Variants in MCF2L observed in about 807,000 individuals in gnomAD.
The protein encoded by MCF2L is guanine nucleotide exchange factor DBS.
Under a neutral mutation model 153.4 loss-of-function variants are expected in MCF2L, and 97 were observed. The ratio of observed to expected loss-of-function variants is 0.63; its 90% CI spans 0.54 to 0.75. The LOEUF is 0.75. Among genes scored for constraint, MCF2L ranks in the 30% least tolerant of loss-of-function variants. The pLI, the probability that MCF2L is intolerant of heterozygous loss-of-function variation, is 0.00. For synonymous variants in MCF2L, 659 were observed against 632.2 expected, an observed-to-expected ratio of 1.04 and a Z score of -0.64; for missense variants, 1,347 against 1,495.2, an observed-to-expected ratio of 0.90 and a Z score of 1.64.
upstream of MCF2L, among the ~76,000 whole-genome samples, chr13:112,968,981 G>A (rs1326444809): frequency 6.6e-6 from 1 of 151,872 alleles, no homozygotes; most frequent in Non-Finnish European, 1.5e-5. Context: ...ACACTTCCAG[G>A]TGACCGCGGC....
intron 1 of MCF2L, among the ~76,000 whole-genome samples, chr13:112,995,426 T>C (rs2083085301): frequency 6.6e-6 from 1 of 152,228 alleles, no homozygotes; most frequent in South Asian, 2.1e-4. Context: ...CAGTATACAG[T>C]TGTGCTTAGT....
intron 1 of MCF2L, among the ~76,000 whole-genome samples, chr13:112,895,582 G>A (rs916277025): frequency 1.3e-5 from 2 of 152,116 alleles, no homozygotes; most frequent in African/African-American, 2.4e-5. Flanking sequence ...TCGTGAGAAC[G>A]GAGTGCACAC....
chr13:113,059,357 G>C (rs6577026), intron 4 of MCF2L, among the ~76,000 whole-genome samples: 13 of 152,116 alleles, frequency 8.5e-5, no homozygotes, highest in Admixed American at 2.6e-4. Context: ...TTGGAGTGTG[G>C]CTGGGGCAGT....
intron 2 of MCF2L, among the ~76,000 whole-genome samples, chr13:112,911,458 C>T (rs1202416790): frequency 1.3e-5 from 2 of 152,236 alleles, no homozygotes; most frequent in African/African-American, 2.4e-5. Flanking sequence ...TCTCTCCCAG[C>T]GTGGCCGCCA....
At chr13:112,902,330 G>C in exon 2 of MCF2L, 1 of 1,612,908 alleles carries the variant, frequency 6.2e-7, no homozygotes. Context: ...GACGTCATCA[G>C]GCTTGTTCAA....
chr13:112,979,119 G>A (rs571994625), intron 1 of MCF2L, among the ~76,000 whole-genome samples: 1 of 152,352 alleles, frequency 6.6e-6, no homozygotes, highest in Admixed American at 6.5e-5. Context: ...GGCAGCAGAC[G>A]GGAGCCACAG....
rs2086856211 is a variant in MCF2L, at chr13:113,046,955, TCACAGTTCTGCAGGCTG to T, written c.369+1600_369+1616del. ...TGATAAAGAAAGAGGCGTAATTGGC[TCACAGTTCTGCAGGCTG>T]CACAGGCTTAGCACCTGCATCTTCT... On this transcript the variant is annotated intron_variant, in intron 4 of 29. Transcript: ENST00000535094. The surrounding 1 kb of genome is among the most constrained non-coding windows in gnomAD (Gnocchi z 4.4). 4.6e-6 allele frequency: 1 copy of T among 216,848 alleles called. No individual in the cohort carries two copies. The allele number at this position is 216,848 out of a possible 1,614,324, so 13.4% of individuals were successfully genotyped here.
In MCF2L at chr13:112,902,298, G is replaced by A. The variant is rs377481129; in HGVS notation, c.96G>A (p.Thr32=). The change falls in exon 2 of 30, where the codon ACG becomes ACA. Residue 32 remains threonine, a synonymous_variant. Coordinates refer to the MCF2L transcript ENST00000375608. ...CCAATGAGGCCAAAAAGGAGGAAAC[G>A]GATCACCAAATTGATGTGTCTGACG... 4.0e-5 allele frequency: 64 copies of A among 1,612,870 alleles called. No individual in the cohort carries two copies. In the African/African-American group the frequency reaches 7.2e-4, roughly 18 times the overall value.
intron 4 of MCF2L, among the ~76,000 whole-genome samples, chr13:113,049,723 G>A (rs1465436642): frequency 6.6e-6 from 1 of 151,934 alleles, no homozygotes; most frequent in Non-Finnish European, 1.5e-5. Context: ...GCAAGCCCGT[G>A]GCAGAGACTT....
intron 2 of MCF2L, among the ~76,000 whole-genome samples, chr13:113,019,657 G>A (rs1351278105): frequency 6.6e-6 from 1 of 152,194 alleles, no homozygotes; most frequent in African/African-American, 2.4e-5. Flanking sequence ...GTTGCTATAG[G>A]ATAAATGTTT....
chr13:112,917,521 G>C (rs1055477062), intron 2 of MCF2L: 7 of 292,994 alleles, frequency 2.4e-5, no homozygotes, highest in Middle Eastern at 1.2e-3. Context: ...GTGACCTCTC[G>C]AAGGTGAGTG....
At chr13:113,077,739 G>A (rs554413300) in intron 13 of MCF2L, among the ~76,000 whole-genome samples, 8 of 152,292 alleles carry the variant, frequency 5.3e-5, no homozygotes, top group South Asian at 4.1e-4. Flanking sequence ...AGCCAGGCAC[G>A]GCGCCATTTC....
chr13:113,089,929 A>G (rs535435286), intron 26 of MCF2L: 1 of 1,599,250 alleles, frequency 6.3e-7, no homozygotes, highest in East Asian at 2.2e-5. Flanking sequence ...GCACCCCTGC[A>G]TCAGCAAGGC....
intron 4 of MCF2L, among the ~76,000 whole-genome samples, chr13:113,048,860 G>C (rs2087011599): frequency 6.6e-6 from 1 of 152,238 alleles, no homozygotes; most frequent in South Asian, 2.1e-4. Context: ...CTCACCGCCA[G>C]CTGGGTGAGG....
At chr13:112,924,757 G>C (rs901218020) in intron 2 of MCF2L, among the ~76,000 whole-genome samples, 1 of 152,178 alleles carries the variant, frequency 6.6e-6, no homozygotes, top group South Asian at 2.1e-4. Context: ...AACCCACTTA[G>C]AGAAACAAAC....
intron 8 of MCF2L, among the ~76,000 whole-genome samples, chr13:113,066,492 T>G (rs1295058788): frequency 1.3e-5 from 2 of 152,316 alleles, no homozygotes; most frequent in Non-Finnish European, 2.9e-5. Context: ...ACCTGGGGCT[T>G]CTGCATTCCA....
chr13:112,934,647 G>A (rs71446669), intron 2 of MCF2L, among the ~76,000 whole-genome samples: 5 of 150,886 alleles, frequency 3.3e-5, no homozygotes, highest in Admixed American at 6.6e-5. Context: ...TGTGCTGCCC[G>A]TTCTCAGCCG....
intron 1 of MCF2L, among the ~76,000 whole-genome samples, chr13:113,014,140 A>G (rs2084357418): frequency 2.0e-5 from 3 of 152,326 alleles, no homozygotes; most frequent in South Asian, 2.1e-4. Flanking sequence ...TGGTGGCTGC[A>G]GGTGCTGCAG....
chr13:113,045,242 T>TTA lies in MCF2L; in HGVS notation c.279-28_279-27dup. 1 of 1,581,006 alleles carries TTA rather than the reference T, an allele frequency of 6.3e-7. No homozygotes were observed. The highest frequency in any genetic ancestry group is 1.7e-4 in the Middle Eastern group (1 of 6,004). On this transcript the variant is annotated intron_variant, in intron 3 of 29. Coordinates refer to ENST00000535094, the MANE Select transcript of MCF2L (RefSeq NM_001112732.3). This position sits in a 1 kb window ranked among gnomAD's most constrained non-coding sequence, Gnocchi z 4.2. Reference sequence around the variant, plus strand: ...GCAGCCGGCTTCCCACCTGCACACATTAACGGCGGCGTCTCTTCCTCACTG... The same window carrying TTA: ...GCAGCCGGCTTCCCACCTGCACACATTATAACGGCGGCGTCTCTTCCTCACTG...
Sources: gnomAD v4.1 joint callset for allele counts (sites outside exome capture counted in the v4.1 genomes callset) on GRCh38, gnomAD v4.1.1 for gene constraint, Gnocchi (gnomAD v3.1) non-coding constraint, MANE v1.5 for transcripts, NCBI Gene and HGNC (gene_info 2026-07-23, HGNC 2026-07-21) for gene names.